The following VWA5B1 variants were observed in gnomAD, a reference collection of about 807,000 sequenced individuals.
VWA5B1 encodes von Willebrand factor A domain-containing protein 5B1.
A neutral mutation model predicts 118.2 loss-of-function variants in VWA5B1; 115 were observed. That is an observed-to-expected ratio of 0.97 (90% CI 0.84 to 1.14). VWA5B1 has a LOEUF of 1.14. Among genes scored for constraint, VWA5B1 ranks in the 50% most tolerant of loss-of-function variants. VWA5B1 has a pLI of 0.00. For synonymous variants in VWA5B1, 682 were observed against 658.4 expected (o/e 1.04, Z -0.55); for missense variants, 1,596 against 1,603.8 (o/e 1.00, Z 0.08).
In VWA5B1 at chr1:20,342,524, G is replaced by A. The variant is rs1016215723; in HGVS notation, c.2226G>A (p.Gln742=). Residue 742 remains glutamine (Q), a synonymous_variant, in exon 15 of 22, where the codon CAG becomes CAA. Transcript: ENST00000289815. The stretch of plus-strand genomic sequence containing the variant: ...CCTCTCTGCTGCCCCAAGGCTGCCA[G>A]CCCTTCCTGCCCTGGGGCCAGGAGA... The part of the protein sequence containing the change: ...RRPSLLPQGC[Q]PFLPWGQETQ... 12 of 1,549,506 alleles carry A rather than the reference G, an allele frequency of 7.7e-6. No homozygotes were observed. The highest frequency in any genetic ancestry group is 1.0e-5 in the Non-Finnish European group (12 of 1,146,176).
chr1:20,323,556 C>T (rs1204320659), intron 8 of VWA5B1, 24 bp downstream of exon 8: 11 of 1,371,876 alleles, frequency 8.0e-6, no homozygotes, highest in Non-Finnish European at 7.6e-6. Context: ...GAACCCCTCC[C>T]GAGGACCCGG....
intron 3 of VWA5B1, among the ~76,000 whole-genome samples, chr1:20,313,860 T>C (rs2100848341): frequency 6.6e-6 from 1 of 152,184 alleles, no homozygotes; most frequent in Middle Eastern, 3.4e-3. Flanking sequence ...GTTGTGATGA[T>C]GTTAGAGGAA....
At chr1:20,310,776 C>T in intron 2 of VWA5B1, 36 bp downstream of exon 2, 2 of 1,495,744 alleles carry the variant, frequency 1.3e-6, no homozygotes, top group African/African-American at 1.4e-5. Context: ...CGGGACCACC[C>T]CCTCCTCCAC....
rs2089438767 is a variant in VWA5B1, at chr1:20,327,985, C to G, written c.1239C>G (p.Ser413Arg). 6.4e-7 allele frequency: 1 copy of G among 1,551,446 alleles called. No homozygotes were observed. The highest frequency in any genetic ancestry group is 8.7e-7 in the Non-Finnish European group (1 of 1,146,942). The change falls in exon 9 of 22, where the codon AGC (serine) becomes AGG (arginine). Residue 413 changes from serine to arginine, a missense_variant. Coordinates refer to ENST00000289815, the MANE Select transcript of VWA5B1 (RefSeq NM_001039500.3). ...GSTFKSLFPS[S>R]QTYSEDSLAM... The stretch of plus-strand genomic sequence containing the variant: ...CATTTAAGAGCCTTTTTCCTTCCAG[C>G]CAGACCTACAGTGAGGTAATGAGGG...
In VWA5B1 at chr1:20,314,483, C is replaced by G; in HGVS notation, c.454C>G (p.Pro152Ala). Residue 152 changes from proline (P) to alanine (A), a missense_variant, in exon 4 of 22, where the codon CCA becomes GCA. Transcript: ENST00000289815. The part of the protein sequence containing the change: ...TIFISTSSEL[P>A]TLPSGAVRVL... ...CTTCATCAGCACCTCCTCGGAGCTC[C>G]CAACGCTGCCCAGCGGGGCTGTGAG... 6.4e-7 allele frequency: 1 copy of G among 1,551,776 alleles called. No homozygotes were observed. Among genetic ancestry groups the G allele is most frequent in the Non-Finnish European group, 8.7e-7 (1 of 1,147,012 alleles).
rs148678594 is a variant in VWA5B1, at chr1:20,326,626, C to T, written c.1144-1264C>T. On this transcript the variant is annotated intron_variant, in intron 8 of 21. Transcript: ENST00000289815. ...GATTACAGGCGTGTACCACCATGCCCGGCTAATATTTGTGTTTTTAGTAGA... is the reference window on the plus strand; with the variant it reads ...GATTACAGGCGTGTACCACCATGCCTGGCTAATATTTGTGTTTTTAGTAGA... Among the ~76,000 whole-genome samples, 799 of 152,116 alleles carry T rather than the reference C, an allele frequency of 5.3e-3. 4 individuals are homozygous for T. Among genetic ancestry groups the T allele is most frequent in the African/African-American group, 0.016 (663 of 41,490 alleles).
At position 20,354,335 on chromosome 1, in the gene VWA5B1, T is replaced by A; in HGVS notation, c.*72T>A. Reference sequence around the variant, plus strand: ...GATGGGCAGGGCCATGTCGGCCTGGTTTCGGGGAGCTTTTGGAGCTGTAAC... The same window carrying A: ...GATGGGCAGGGCCATGTCGGCCTGGATTCGGGGAGCTTTTGGAGCTGTAAC... On this transcript the variant is annotated 3_prime_UTR_variant, in exon 22 of 22. Transcript: ENST00000289815. 1 of 1,464,482 alleles carries A rather than the reference T, an allele frequency of 6.8e-7. No homozygotes were observed. 90.7% of individuals were successfully genotyped at this position (1,464,482 alleles called of 1,614,324 possible).
At chr1:20,305,062 C>T (rs1390899803) in intron 1 of VWA5B1, among the ~76,000 whole-genome samples, 1 of 152,160 alleles carries the variant, frequency 6.6e-6, no homozygotes, top group Non-Finnish European at 1.5e-5. Flanking sequence ...AATCCTGGCC[C>T]TCACAGGGAT....
intron 3 of VWA5B1, 68 bp from the exon 4 acceptor site, chr1:20,314,254 A>G: frequency 6.7e-7 from 1 of 1,490,886 alleles, no homozygotes; most frequent in Non-Finnish European, 9.1e-7. Flanking sequence ...CACACTTACC[A>G]CAACAGCAAT....
At position 20,354,640 on chromosome 1, in the gene VWA5B1, A is replaced by T. The variant is rs2090197606; in HGVS notation, c.*377A>T. ...GGAAGCCTGAGCCCTGTCTGGAGGT[A>T]GACCACGTGGGCACGGAGTGGACAC... On this transcript the variant is annotated 3_prime_UTR_variant, in exon 22 of 22. Coordinates refer to ENST00000289815, the MANE Select transcript of VWA5B1 (RefSeq NM_001039500.3). The T allele has an allele frequency of 3.8e-6, 1 of 260,300 alleles. No homozygotes were observed. Among genetic ancestry groups the T allele is most frequent in the African/African-American group, 2.3e-5 (1 of 44,116 alleles). The allele number at this position is 260,300 out of a possible 1,614,324, so 16.1% of individuals were successfully genotyped here.
chr1:20,309,424 A>C (rs1211496228), intron 1 of VWA5B1, among the ~76,000 whole-genome samples: 3 of 152,180 alleles, frequency 2.0e-5, no homozygotes, highest in African/African-American at 7.2e-5. Context: ...ACCATGAAGG[A>C]TGAGTAGGGG....
chr1:20,342,985 A>G (rs1227436863), intron 15 of VWA5B1, 94 bp from the exon 16 acceptor site: 4 of 1,449,764 alleles, frequency 2.8e-6, no homozygotes, highest in Non-Finnish European at 3.6e-6. Context: ...ACTTGCTTAG[A>G]AGTGTCTGCT....
intron 2 of VWA5B1, 56 bp downstream of exon 2, chr1:20,310,796 C>T: frequency 6.8e-7 from 1 of 1,465,714 alleles, no homozygotes. Context: ...CAGTGAATCC[C>T]TGTTTTGACA....
chr1:20,313,694 G>A (rs538772688), intron 3 of VWA5B1, among the ~76,000 whole-genome samples: 52 of 152,336 alleles, frequency 3.4e-4, no homozygotes, highest in African/African-American at 9.6e-4. Context: ...GTTTGTTCAC[G>A]TGGTTATTAA....
At chr1:20,330,723 G>A (rs910949322) in intron 10 of VWA5B1, 146 bp from the exon 11 acceptor site, 2 of 815,106 alleles carry the variant, frequency 2.5e-6, no homozygotes. Context: ...ACCCCCGATG[G>A]CCCCTCTTCC....
rs555425584 is a variant in VWA5B1, at chr1:20,303,516, A to G, written c.-26-7060A>G. Among the ~76,000 whole-genome samples the G allele has an allele frequency of 2.8e-4, 43 of 152,336 alleles. 1 individual carries two copies. The highest frequency in any genetic ancestry group is 1.0e-3 in the African/African-American group (42 of 41,576). On this transcript the variant is annotated intron_variant, in intron 1 of 21. Transcript: ENST00000289815. ...GAGGCCCATGGGACCTTCCCAGCTC[A>G]GACCTGGAGGAAGCTAAGGCACAAG...
rs749827062 is a variant in VWA5B1 at position 20,348,296 on chromosome 1, G to C, written c.2816G>C (p.Gly939Ala). The change falls in exon 18 of 22, where the codon GGC (glycine) becomes GCC (alanine). Residue 939 changes from glycine (G) to alanine (A), a missense_variant. Gly to Ala is a moderately conservative substitution (Grantham distance 60). Coordinates refer to ENST00000289815, the MANE Select transcript of VWA5B1 (RefSeq NM_001039500.3). ...GSRALAQQWRGTSSGFGRPQT... is the reference protein window; with the variant it reads ...GSRALAQQWRATSSGFGRPQT... ...CGGGCCCTGGCCCAACAGTGGAGGG[G>C]CACCTCTTCTGGCTTTGGAAGGCCG... 2 of 1,551,684 alleles carry C rather than the reference G, an allele frequency of 1.3e-6. No individual in the cohort carries two copies. Among genetic ancestry groups the C allele is most frequent in the Admixed American group, 2.0e-5 (1 of 51,010 alleles).
At position 20,350,191 on chromosome 1, in the gene VWA5B1, G is replaced by T; in HGVS notation, c.2914G>T (p.Ala972Ser). The part of the protein sequence containing the change: ...EASPTALFSE[A>S]RSPGREKHGA... Reference sequence around the variant, plus strand: ...AAGTCCCACTGCTCTCTTCAGCGAGGCCAGGTCCCCCGGCCGCGAGAAGCA... The same window carrying T: ...AAGTCCCACTGCTCTCTTCAGCGAGTCCAGGTCCCCCGGCCGCGAGAAGCA... The change falls in exon 19 of 22, where the codon GCC becomes TCC. Residue 972 changes from alanine (A) to serine (S), a missense_variant. Coordinates refer to ENST00000289815, the MANE Select transcript of VWA5B1 (RefSeq NM_001039500.3). 1 of 1,551,224 alleles carries T rather than the reference G, an allele frequency of 6.4e-7. No homozygotes were observed. Among genetic ancestry groups the T allele is most frequent in the Non-Finnish European group, 8.7e-7 (1 of 1,146,986 alleles).
chr1:20,342,478 G>A lies in VWA5B1; in HGVS notation c.2180G>A (p.Arg727His), dbSNP rs1053199958. Residue 727 changes from arginine to histidine, a missense_variant, in exon 15 of 22, where the codon CGT becomes CAT. Coordinates refer to ENST00000289815, the MANE Select transcript of VWA5B1 (RefSeq NM_001039500.3). ...GACCTGAACCAGGGCCCCAAACTCCGTGGCCCAGGGGCCCGAAGGCCCTCT... is the reference window on the plus strand; with the variant it reads ...GACCTGAACCAGGGCCCCAAACTCCATGGCCCAGGGGCCCGAAGGCCCTCT... The part of the protein sequence containing the change: ...GQDLNQGPKL[R>H]GPGARRPSLL... 13 of 1,551,146 alleles carry A rather than the reference G, an allele frequency of 8.4e-6. No homozygotes were observed. Among genetic ancestry groups the A allele is most frequent in the Middle Eastern group, 1.7e-4 (1 of 5,838 alleles).
Sources: allele counts gnomAD v4.1 joint callset (sites outside exome capture counted in the v4.1 genomes callset), GRCh38; gene constraint gnomAD v4.1.1; transcripts MANE v1.5; gene names NCBI Gene and HGNC (gene_info 2026-07-23, HGNC 2026-07-21).